SLC1A3: variants seen among roughly 807,000 people sequenced by gnomAD.
The protein encoded by SLC1A3 is excitatory amino acid transporter 1.
Under a neutral mutation model 48.1 loss-of-function variants are expected in SLC1A3, and 21 were observed. The ratio of observed to expected loss-of-function variants is 0.44; its 90% CI spans 0.31 to 0.63. SLC1A3 has a LOEUF of 0.63. Among genes scored for constraint, SLC1A3 ranks in the 20% least tolerant of loss-of-function variants. The pLI, the probability that SLC1A3 is intolerant of heterozygous loss-of-function variation, is 0.08. For missense variants in SLC1A3, 546 were observed against 689.0 expected, an observed-to-expected ratio of 0.79 and a Z score of 2.32; for synonymous variants, 239 against 251.4, an observed-to-expected ratio of 0.95 and a Z score of 0.47.
At chr5:36,637,810 G>A (rs1002316852) in intron 3 of SLC1A3, among the ~76,000 whole-genome samples, 1 of 152,162 alleles carries the variant, frequency 6.6e-6, no homozygotes, top group African/African-American at 2.4e-5. Flanking sequence ...CACATTCTGA[G>A]AGGATGCACT....
intron 3 of SLC1A3, chr5:36,636,376 T>C (rs1298960392): frequency 6.6e-6 from 1 of 152,224 alleles, no homozygotes; most frequent in African/African-American, 2.4e-5. Flanking sequence ...TCTCTTGCCC[T>C]GCCTCTCCAG....
intron 2 of SLC1A3, among the ~76,000 whole-genome samples, chr5:36,616,192 C>T (rs188934496): frequency 8.6e-5 from 13 of 151,662 alleles, no homozygotes; most frequent in African/African-American, 3.1e-4. Context: ...GAGACTCCAT[C>T]TAAAAAAAAA....
chr5:36,678,241 T>G (rs1446852740), intron 6 of SLC1A3, among the ~76,000 whole-genome samples: 1 of 152,216 alleles, frequency 6.6e-6, no homozygotes, highest in African/African-American at 2.4e-5. Flanking sequence ...GAAATCCATT[T>G]TTCAGGAATT....
At chr5:36,670,898 C>A (rs774734707) in intron 3 of SLC1A3, 131 bp from the exon 4 acceptor site, 20 of 823,024 alleles carry the variant, frequency 2.4e-5, no homozygotes, top group Non-Finnish European at 3.8e-5. Context: ...CAGGTTCTCA[C>A]AACATGTACG....
chr5:36,632,153 A>G (rs1452516985), intron 3 of SLC1A3, among the ~76,000 whole-genome samples: 2 of 151,580 alleles, frequency 1.3e-5, no homozygotes, highest in Non-Finnish European at 2.9e-5. Flanking sequence ...ACCCAACTAC[A>G]GAATAATATG....
chr5:36,625,556 A>C (rs1033195278), intron 2 of SLC1A3, among the ~76,000 whole-genome samples: 3 of 152,224 alleles, frequency 2.0e-5, no homozygotes, highest in Non-Finnish European at 4.4e-5. Flanking sequence ...AGGGCTCAAT[A>C]AATTTTCCCC....
chr5:36,625,750 T>A (rs1268317970), intron 2 of SLC1A3, among the ~76,000 whole-genome samples: 1 of 152,206 alleles, frequency 6.6e-6, no homozygotes, highest in Non-Finnish European at 1.5e-5. Context: ...TATAAATAAA[T>A]GATGTCTCCT....
intron 3 of SLC1A3, among the ~76,000 whole-genome samples, chr5:36,656,247 A>G (rs778438880): frequency 1.3e-5 from 2 of 152,212 alleles, no homozygotes; most frequent in Non-Finnish European, 2.9e-5. Context: ...TTATAGATCA[A>G]GAAACTAGGT....
At chr5:36,632,955 G>T (rs1210295054) in intron 3 of SLC1A3, among the ~76,000 whole-genome samples, 2 of 152,184 alleles carry the variant, frequency 1.3e-5, no homozygotes, top group Non-Finnish European at 2.9e-5. Flanking sequence ...CTGGGAGGAA[G>T]CCTAATGGCT....
chr5:36,609,959 T>C (rs2111663742), intron 2 of SLC1A3, among the ~76,000 whole-genome samples: 2 of 152,354 alleles, frequency 1.3e-5, no homozygotes, highest in East Asian at 3.9e-4. Flanking sequence ...AACATTTATA[T>C]AGTACTATTC....
At chr5:36,602,667 A>C (rs7703253), upstream of SLC1A3, among the ~76,000 whole-genome samples, 79,233 of 152,136 alleles carry the variant, frequency 0.52, 21,259 homozygotes, top group African/African-American at 0.66. Context: ...CACCTGTTGG[A>C]TCACTTGTGA....
intron 3 of SLC1A3, among the ~76,000 whole-genome samples, chr5:36,645,419 C>A (rs548396872): frequency 6.7e-6 from 1 of 148,846 alleles, no homozygotes; most frequent in East Asian, 2.0e-4. Flanking sequence ...CTCCGCCTCC[C>A]AGGTTCAAGC....
intron 3 of SLC1A3, among the ~76,000 whole-genome samples, chr5:36,667,104 T>C (rs554550751): frequency 6.6e-6 from 1 of 152,332 alleles, no homozygotes; most frequent in East Asian, 1.9e-4. Flanking sequence ...TGGTTATTTA[T>C]GGGTAGACTT....
chr5:36,606,655 G>C lies in SLC1A3; in HGVS notation c.-176G>C, dbSNP rs572153188. On this transcript the variant is annotated 5_prime_UTR_variant, in exon 1 of 10. Coordinates refer to ENST00000265113, the MANE Select transcript of SLC1A3 (RefSeq NM_004172.5). ...TAGCCTGCCTGCTTACGCGCGCTGC[G>C]GATTGTTGCTCCGTTGTACCTGCTG... The C allele has an allele frequency of 3.9e-5, 6 of 152,294 alleles. No homozygotes were observed. Among genetic ancestry groups the C allele is most frequent in the Non-Finnish European group, 8.8e-5 (6 of 68,110 alleles). The allele number at this position is 152,294 out of a possible 1,614,324, so 9.4% of individuals were successfully genotyped here. A position where few individuals can be genotyped will look rare whatever the true frequency, so the allele number is the denominator to read the frequency against.
At chr5:36,605,884 G>A (rs1274448321), upstream of SLC1A3, among the ~76,000 whole-genome samples, 1 of 152,192 alleles carries the variant, frequency 6.6e-6, no homozygotes, top group Non-Finnish European at 1.5e-5. Context: ...CATCTGAACA[G>A]CAACCTATCT....
Position 36,654,242 on chromosome 5 carries a change from A to G in SLC1A3, c.320-16787A>G, listed in dbSNP as rs1162291993. ...GGGGCTGTTAGGAAACACAGTGAAA[A>G]TGGTTTGGGCATACAGAAAACACTC... On this transcript the variant is annotated intron_variant, in intron 3 of 9. Coordinates refer to ENST00000265113, the MANE Select transcript of SLC1A3 (RefSeq NM_004172.5). Among the ~76,000 whole-genome samples, 3 of 152,142 alleles carry G rather than the reference A, an allele frequency of 2.0e-5. No homozygotes were observed. In the South Asian group the frequency reaches 6.2e-4, roughly 32 times the overall value.
At chr5:36,624,392 G>A (rs926727977) in intron 2 of SLC1A3, among the ~76,000 whole-genome samples, 1 of 152,190 alleles carries the variant, frequency 6.6e-6, no homozygotes, top group Non-Finnish European at 1.5e-5. Flanking sequence ...TGGACAGTGT[G>A]GGTATCAGGT....
At chr5:36,680,334 C>G in intron 7 of SLC1A3, 61 bp from the exon 8 acceptor site, 2 of 1,412,484 alleles carry the variant, frequency 1.4e-6, no homozygotes, top group Non-Finnish European at 2.0e-6. Flanking sequence ...AAAGACCAAA[C>G]GCACAGACAG....
intron 3 of SLC1A3, among the ~76,000 whole-genome samples, chr5:36,636,571 C>T (rs1206961192): frequency 7.0e-6 from 1 of 143,320 alleles, no homozygotes; most frequent in Non-Finnish European, 1.5e-5. Flanking sequence ...TCTCCCCTTC[C>T]TTCCTTTCTT....
Sources: allele counts gnomAD v4.1 joint callset (sites outside exome capture counted in the v4.1 genomes callset), GRCh38; gene constraint gnomAD v4.1.1; transcripts MANE v1.5; gene names NCBI Gene and HGNC (gene_info 2026-07-23, HGNC 2026-07-21).